RPRD1A: variants seen among roughly 807,000 people sequenced by gnomAD.
RPRD1A encodes regulation of nuclear pre-mRNA domain-containing protein 1A.
A neutral mutation model predicts 37.8 loss-of-function variants in RPRD1A; 9 were observed. The ratio of observed to expected loss-of-function variants is 0.24; its 90% CI spans 0.14 to 0.42. The LOEUF (loss-of-function observed/expected upper bound fraction) is 0.42, where lower values mean the gene tolerates loss of function less well. RPRD1A is among the 10% of genes least tolerant of loss of function. The pLI, the probability that RPRD1A is intolerant of heterozygous loss-of-function variation, is 1.00. For synonymous variants in RPRD1A, 138 were observed against 139.7 expected, an observed-to-expected ratio of 0.99 and a Z score of 0.08; for missense variants, 255 against 371.0, an observed-to-expected ratio of 0.69 and a Z score of 2.57.
intron 1 of RPRD1A, among the ~76,000 whole-genome samples, chr18:36,060,956 C>T (rs2088896551): frequency 6.6e-6 from 1 of 151,740 alleles, no homozygotes; most frequent in Admixed American, 6.6e-5. Flanking sequence ...TAGTGAGACA[C>T]TGTCTCATAA....
intron 2 of RPRD1A, among the ~76,000 whole-genome samples, chr18:36,032,510 A>G (rs577268168): frequency 1.3e-5 from 2 of 152,350 alleles, no homozygotes; most frequent in Admixed American, 6.5e-5. Flanking sequence ...CTTCATCTCT[A>G]AAACAAATGG....
At chr18:36,049,650 CTTTT>C (rs1322069886) in intron 1 of RPRD1A, among the ~76,000 whole-genome samples, 1 of 152,164 alleles carries the variant, frequency 6.6e-6, no homozygotes, top group Non-Finnish European at 1.5e-5. Flanking sequence ...AATATCCTTT[CTTTT>C]TAAGGCTGAA....
intron 2 of RPRD1A, among the ~76,000 whole-genome samples, chr18:36,031,475 C>T (rs1238986553): frequency 2.0e-5 from 3 of 152,180 alleles, no homozygotes; most frequent in Middle Eastern, 3.4e-3. Flanking sequence ...CTATCTTTGA[C>T]ATGGAGATGC....
intron 1 of RPRD1A, among the ~76,000 whole-genome samples, chr18:36,038,506 G>A (rs1233220054): frequency 6.6e-6 from 1 of 152,250 alleles, no homozygotes; most frequent in Non-Finnish European, 1.5e-5. Flanking sequence ...TGGATGTCCA[G>A]GCAAAAGTCT....
chr18:36,003,344 T>C (rs149705315), intron 6 of RPRD1A, among the ~76,000 whole-genome samples: 235 of 152,370 alleles, frequency 1.5e-3, no homozygotes, highest in African/African-American at 5.5e-3. Flanking sequence ...GCTATACTTG[T>C]TCAGTGCTTT....
chr18:35,996,551 T>C (rs1365584187), intron 6 of RPRD1A, among the ~76,000 whole-genome samples: 1 of 152,214 alleles, frequency 6.6e-6, no homozygotes, highest in Non-Finnish European at 1.5e-5. Flanking sequence ...TCAAAATTGA[T>C]GAATAAATTA....
At chr18:36,065,767 A>T (rs946684988) in intron 1 of RPRD1A, among the ~76,000 whole-genome samples, 1 of 152,228 alleles carries the variant, frequency 6.6e-6, no homozygotes, top group Non-Finnish European at 1.5e-5. Context: ...AAATTGATGA[A>T]CATAAAGTGG....
intron 6 of RPRD1A, among the ~76,000 whole-genome samples, chr18:36,024,313 ATTTTTT>A (rs781696260): frequency 2.4e-5 from 3 of 126,566 alleles, no homozygotes; most frequent in Admixed American, 7.9e-5. Flanking sequence ...CACCTGGTTA[ATTTTTT>A]TTTTTTTTTT....
chr18:35,994,819 T>C (rs1908927124), intron 6 of RPRD1A, among the ~76,000 whole-genome samples: 1 of 152,244 alleles, frequency 6.6e-6, no homozygotes, highest in African/African-American at 2.4e-5. Context: ...TTCTCTACTC[T>C]TCTGCACATC....
chr18:36,033,597 C>T (rs1911969780), intron 2 of RPRD1A, 111 bp downstream of exon 2: 2 of 863,442 alleles, frequency 2.3e-6, no homozygotes, highest in East Asian at 5.7e-5. Flanking sequence ...ATAAAAGCAT[C>T]AAAAAACTAT....
At chr18:36,000,107 G>C (rs2144154859) in intron 6 of RPRD1A, among the ~76,000 whole-genome samples, 1 of 152,104 alleles carries the variant, frequency 6.6e-6, no homozygotes, top group Admixed American at 6.5e-5. Context: ...GCGTTTCTGA[G>C]ACTGCAGATT....
At chr18:36,008,719 G>A (rs1452492567) in intron 6 of RPRD1A, among the ~76,000 whole-genome samples, 2 of 150,908 alleles carry the variant, frequency 1.3e-5, no homozygotes, top group Admixed American at 1.3e-4. Context: ...TATATATTTA[G>A]GAATGCATTA....
At chr18:36,000,649 C>T (rs1909359374) in intron 6 of RPRD1A, among the ~76,000 whole-genome samples, 1 of 152,204 alleles carries the variant, frequency 6.6e-6, no homozygotes, top group Non-Finnish European at 1.5e-5. Context: ...ATAGCTACTA[C>T]ACTTCTCATC....
intron 6 of RPRD1A, among the ~76,000 whole-genome samples, chr18:36,001,473 G>C (rs1909412646): frequency 6.6e-6 from 1 of 152,094 alleles, no homozygotes; most frequent in South Asian, 2.1e-4. Context: ...ATATTATCCA[G>C]TTAATAAAGA....
rs574231683 is a variant in RPRD1A, at chr18:36,018,411, C to T, written c.789+8489G>A. On this transcript the variant is annotated intron_variant, in intron 6 of 6. Transcript: ENST00000399022. Reference sequence around the variant, plus strand: ...GCCTCACACTCCCGAGTGGCTGGGACTACAGGCGCCCGCCACCACGCCCAA... The same window carrying T: ...GCCTCACACTCCCGAGTGGCTGGGATTACAGGCGCCCGCCACCACGCCCAA... Among the ~76,000 whole-genome samples, 79 of 152,150 alleles carry T rather than the reference C, an allele frequency of 5.2e-4. 1 individual carries two copies. The highest frequency in any genetic ancestry group is 1.9e-3 in the African/African-American group (77 of 41,506).
chr18:36,009,076 AT>A (rs1910003575), intron 6 of RPRD1A, among the ~76,000 whole-genome samples: 1 of 151,814 alleles, frequency 6.6e-6, no homozygotes, highest in Non-Finnish European at 1.5e-5. Flanking sequence ...TGTATTAACT[AT>A]TTCCTAGGGG....
chr18:36,001,516 A>C lies in RPRD1A; in HGVS notation c.790-8216T>G, dbSNP rs572629671. The stretch of plus-strand genomic sequence containing the variant: ...TTCTCATTTGTCATAAATGTCATCT[A>C]ATCTGGTGTTTCCCAAATTGGGTGT... On this transcript the variant is annotated intron_variant, in intron 6 of 6. Transcript: ENST00000399022. 1.2e-4 allele frequency among the ~76,000 whole-genome samples: 18 copies of C among 152,282 alleles called. 1 individual carries two copies. The highest frequency in any genetic ancestry group is 3.9e-4 in the African/African-American group (16 of 41,552).
At chr18:36,041,823 C>T (rs1912604607) in intron 1 of RPRD1A, among the ~76,000 whole-genome samples, 1 of 152,170 alleles carries the variant, frequency 6.6e-6, no homozygotes, top group Non-Finnish European at 1.5e-5. Flanking sequence ...TCTATCTGTC[C>T]CAGACAGGAC....
intron 6 of RPRD1A, among the ~76,000 whole-genome samples, chr18:36,002,287 G>C (rs556535330): frequency 2.0e-5 from 3 of 152,228 alleles, no homozygotes; most frequent in Admixed American, 6.5e-5. Flanking sequence ...TGTTCTATTT[G>C]TGGGGACTTC....
Sources: gnomAD v4.1 joint callset for allele counts (sites outside exome capture counted in the v4.1 genomes callset) on GRCh38, gnomAD v4.1.1 for gene constraint, MANE v1.5 for transcripts, NCBI Gene and HGNC (gene_info 2026-07-23, HGNC 2026-07-21) for gene names.